Variants in AKT3 observed in about 807,000 individuals in gnomAD.
The protein encoded by AKT3 is RAC-gamma serine/threonine-protein kinase.
Under a neutral mutation model 65.3 loss-of-function variants are expected in AKT3, and 15 were observed. That is an observed-to-expected ratio of 0.23 (90% CI 0.15 to 0.35). The LOEUF is 0.35. AKT3 is among the 10% of genes least tolerant of loss of function. The pLI, the probability that AKT3 is intolerant of heterozygous loss-of-function variation, is 1.00. For synonymous variants in AKT3, 206 were observed against 183.8 expected, an observed-to-expected ratio of 1.12 and a Z score of -0.98; for missense variants, 243 against 576.5, an observed-to-expected ratio of 0.42 and a Z score of 5.92.
chr1:243,816,801 G>C (rs1693553063), intron 2 of AKT3, among the ~76,000 whole-genome samples: 1 of 152,140 alleles, frequency 6.6e-6, no homozygotes, highest in Non-Finnish European at 1.5e-5. Flanking sequence ...GGGCAGATAA[G>C]GAGGATAGGC....
intron 4 of AKT3, among the ~76,000 whole-genome samples, chr1:243,660,666 T>C (rs2147902659): frequency 6.6e-6 from 1 of 152,308 alleles, no homozygotes; most frequent in African/African-American, 2.4e-5. Flanking sequence ...AGGGATGCCC[T>C]CTCTCACCAC....
rs74162707 is a variant in AKT3, at chr1:243,701,665, CA to C, written c.47-5950del. On this transcript the variant is annotated intron_variant, in intron 2 of 13. Transcript: ENST00000673466. The stretch of plus-strand genomic sequence containing the variant: ...TATGCTTCTTACCTAAGAAAAAATG[CA>C]AAAAAAAAAAAAAAAGACCCTAATT... Among the ~76,000 whole-genome samples, 552 of 124,954 alleles carry C rather than the reference CA, an allele frequency of 4.4e-3. 9 individuals carry two copies. The highest frequency in any genetic ancestry group is 0.012 in the African/African-American group (397 of 33,006). 82.0% of individuals were successfully genotyped at this position (124,954 alleles called of 152,430 possible). A position where few individuals can be genotyped will look rare whatever the true frequency, so the allele number is the denominator to read the frequency against.
rs571311004 is a variant in AKT3, at chr1:243,785,763, T to C, written c.46+57362A>G. The stretch of plus-strand genomic sequence containing the variant: ...CCAGAGTGCACAGCCATCAAATTCC[T>C]GGAAGGTATTCTTACATGGAGTCAG... On this transcript the variant is annotated intron_variant, in intron 2 of 13. Transcript: ENST00000673466. 1.8e-3 allele frequency among the ~76,000 whole-genome samples: 272 copies of C among 152,326 alleles called. 1 individual carries two copies. Among genetic ancestry groups the C allele is most frequent in the Non-Finnish European group, 3.1e-3 (210 of 68,028 alleles).
intron 2 of AKT3, among the ~76,000 whole-genome samples, chr1:243,711,837 A>G (rs1686177308): frequency 6.6e-6 from 1 of 152,238 alleles, no homozygotes; most frequent in South Asian, 2.1e-4. Flanking sequence ...GGTCTTTGTA[A>G]CTTCAAAGAC....
At chr1:243,531,465 C>T (rs1285220086) in intron 12 of AKT3, among the ~76,000 whole-genome samples, 1 of 152,112 alleles carries the variant, frequency 6.6e-6, no homozygotes, top group African/African-American at 2.4e-5. Context: ...ATATCATTTG[C>T]ATGCAAGTTT....
chr1:243,787,253 T>C (rs1321730099), intron 2 of AKT3, among the ~76,000 whole-genome samples: 2 of 152,144 alleles, frequency 1.3e-5, no homozygotes, highest in Admixed American at 1.3e-4. Flanking sequence ...CTAAAACAAT[T>C]GTAAAAATTT....
chr1:243,678,037 G>A (rs554335029), intron 3 of AKT3, among the ~76,000 whole-genome samples: 58 of 152,152 alleles, frequency 3.8e-4, no homozygotes, highest in East Asian at 2.1e-3. Flanking sequence ...GCAGTGAGCC[G>A]AGATCGCGCC....
chr1:243,664,746 A>T (rs917419875), intron 4 of AKT3, 26 bp downstream of exon 4: 1 of 1,272,200 alleles, frequency 7.9e-7, no homozygotes, highest in Non-Finnish European at 1.1e-6. Flanking sequence ...GCTTTTTCAC[A>T]AAATGAAAAC....
At chr1:243,701,175 GTGAT>G (rs755911959) in intron 2 of AKT3, among the ~76,000 whole-genome samples, 3 of 152,206 alleles carry the variant, frequency 2.0e-5, no homozygotes, top group African/African-American at 4.8e-5. Flanking sequence ...GGACTAAACA[GTGAT>G]TGATTAAAAT....
rs1669327858 is a variant in AKT3 at position 243,501,771 on chromosome 1, T to G, written c.*3478A>C. On this transcript the variant is annotated 3_prime_UTR_variant, in exon 14 of 14. Transcript: ENST00000673466. The stretch of plus-strand genomic sequence containing the variant: ...AACAATAAACAGAGAAGTAGCAGAT[T>G]GACATAGTGCTTTATTTAAGCTGTC... The G allele has an allele frequency of 4.3e-6, 1 of 232,860 alleles. No homozygotes were observed. Among genetic ancestry groups the G allele is most frequent in the Non-Finnish European group, 8.5e-6 (1 of 117,902 alleles). 14.4% of individuals were successfully genotyped at this position (232,860 alleles called of 1,614,324 possible). A position where few individuals can be genotyped will look rare whatever the true frequency, so the allele number is the denominator to read the frequency against.
intron 8 of AKT3, among the ~76,000 whole-genome samples, chr1:243,578,266 A>G (rs982197325): frequency 1.3e-5 from 2 of 152,206 alleles, no homozygotes; most frequent in Non-Finnish European, 2.9e-5. Flanking sequence ...TCACAATAGC[A>G]AAGTCATGGA....
intron 8 of AKT3, among the ~76,000 whole-genome samples, chr1:243,598,144 C>T (rs1162565631): frequency 2.0e-5 from 3 of 152,024 alleles, no homozygotes; most frequent in Non-Finnish European, 2.9e-5. Context: ...GTATATGACA[C>T]ATATTATATT....
intron 2 of AKT3, among the ~76,000 whole-genome samples, chr1:243,742,593 C>A (rs543540182): frequency 3.9e-5 from 6 of 152,296 alleles, no homozygotes; most frequent in South Asian, 2.1e-4. Flanking sequence ...CCACTGCACT[C>A]CAGCCTGGGC....
chr1:243,649,429 A>T (rs1204279644), intron 4 of AKT3, among the ~76,000 whole-genome samples: 1 of 151,852 alleles, frequency 6.6e-6, no homozygotes, highest in Non-Finnish European at 1.5e-5. Context: ...ACATACATAC[A>T]CACTTTAAGT....
intron 6 of AKT3, among the ~76,000 whole-genome samples, chr1:243,637,019 C>T (rs1680024165): frequency 1.3e-5 from 2 of 152,018 alleles, no homozygotes; most frequent in African/African-American, 4.8e-5. Flanking sequence ...AAAGCATGGA[C>T]CAATTTGTAA....
rs548830400 is a variant in AKT3, at chr1:243,630,151, C to A, written c.561+7460G>T. Among the ~76,000 whole-genome samples, 5 of 152,244 alleles carry A rather than the reference C, an allele frequency of 3.3e-5. No homozygotes were observed. The South Asian group carries it at 1.0e-3, about 32-fold the overall frequency. On this transcript the variant is annotated intron_variant, in intron 6 of 13. Transcript: ENST00000673466. Reference sequence around the variant, plus strand: ...GATGACTGGAACAGAAGGTACTGCACCCCCACCAAGTTACATGTCTTCAGA... The same window carrying A: ...GATGACTGGAACAGAAGGTACTGCAACCCCACCAAGTTACATGTCTTCAGA...
chr1:243,740,096 G>A (rs1209978633), intron 2 of AKT3, among the ~76,000 whole-genome samples: 3 of 152,212 alleles, frequency 2.0e-5, no homozygotes, highest in Non-Finnish European at 2.9e-5. Context: ...GTGGCCGGAA[G>A]AGAAGGGTCT....
At chr1:243,691,056 A>G (rs1558724135) in intron 3 of AKT3, among the ~76,000 whole-genome samples, 1 of 152,208 alleles carries the variant, frequency 6.6e-6, no homozygotes, top group Non-Finnish European at 1.5e-5. Context: ...GCAGAAGATA[A>G]TAGATTTAAG....
At chr1:243,509,620 C>T (rs971937682) in intron 13 of AKT3, among the ~76,000 whole-genome samples, 1 of 152,158 alleles carries the variant, frequency 6.6e-6, no homozygotes, top group African/African-American at 2.4e-5. Context: ...GTCCGCCGGC[C>T]CTCCACTACA....
Sources: gnomAD v4.1 joint callset for allele counts (sites outside exome capture counted in the v4.1 genomes callset) on GRCh38, gnomAD v4.1.1 for gene constraint, MANE v1.5 for transcripts, NCBI Gene and HGNC (gene_info 2026-07-23, HGNC 2026-07-21) for gene names.